TRAPPC8: variants seen among roughly 807,000 people sequenced by gnomAD.
TRAPPC8 encodes general sporulation gene 1 homolog.
A neutral mutation model predicts 174.3 loss-of-function variants in TRAPPC8; 54 were observed. The observed-to-expected ratio is 0.31, with a 90% CI of 0.25 to 0.39. The LOEUF is 0.39. Among genes scored for constraint, TRAPPC8 ranks in the 10% least tolerant of loss-of-function variants. The probability of loss-of-function intolerance (pLI) is 1.00; values close to 1 mark genes in which losing one functional copy is unlikely to be tolerated. For synonymous variants in TRAPPC8, 630 were observed against 579.9 expected (o/e 1.09, Z -1.24); for missense variants, 1,531 against 1,699.1 (o/e 0.90, Z 1.74).
intron 27 of TRAPPC8, among the ~76,000 whole-genome samples, chr18:31,838,632 G>T (rs2032913998): frequency 6.6e-6 from 1 of 152,024 alleles, no homozygotes; most frequent in Non-Finnish European, 1.5e-5. Context: ...CTATACAGTG[G>T]CATTCTTCTC....
intron 12 of TRAPPC8, among the ~76,000 whole-genome samples, 185 bp downstream of exon 12, chr18:31,890,550 A>G (rs1295555202): frequency 1.3e-5 from 2 of 152,196 alleles, no homozygotes; most frequent in African/African-American, 4.8e-5. Flanking sequence ...GCTTGACCAA[A>G]GTTGTGAGTA....
rs971213060 is a variant in TRAPPC8 at position 31,909,849 on chromosome 18, GCTAA to G, written c.772-93_772-90del. The G allele has an allele frequency of 6.4e-4, 550 of 864,400 alleles. 2 individuals are homozygous for G. The African/African-American group carries it at 9.1e-3, about 14-fold the overall frequency. The allele number at this position is 864,400 out of a possible 1,614,324, so 53.5% of individuals were successfully genotyped here. ...ATCCATCAACAACTATGGTTACTCTGCTAACTGTTGGCCTCATTTATTTGCTACA... is the reference window on the plus strand; with the variant it reads ...ATCCATCAACAACTATGGTTACTCTGCTGTTGGCCTCATTTATTTGCTACA... On this transcript the variant is annotated intron_variant, in intron 5 of 28. Coordinates refer to ENST00000283351, the MANE Select transcript of TRAPPC8 (RefSeq NM_014939.5).
At chr18:31,941,444 AAAAT>A (rs760624403) in intron 1 of TRAPPC8, among the ~76,000 whole-genome samples, 24 of 152,188 alleles carry the variant, frequency 1.6e-4, no homozygotes, top group African/African-American at 5.1e-4. Flanking sequence ...ACTCCATCTC[AAAAT>A]AAATAAATAA....
rs192746296 is a variant in TRAPPC8, at chr18:31,900,385, T to C, written c.1490+540A>G. ...GGGCTTTCTTCTCTTTAGCCAGTAA[T>C]GCACATCTAAAACATTATGCCTGCC... On this transcript the variant is annotated intron_variant, in intron 10 of 28. Coordinates refer to ENST00000283351, the MANE Select transcript of TRAPPC8 (RefSeq NM_014939.5). 3.2e-4 allele frequency among the ~76,000 whole-genome samples: 48 copies of C among 152,336 alleles called. No individual in the cohort carries two copies. The East Asian group carries it at 8.5e-3, about 27-fold the overall frequency.
At position 31,908,337 on chromosome 18, in the gene TRAPPC8, T is replaced by C. The variant is rs967469723; in HGVS notation, c.1204A>G (p.Ser402Gly). The change falls in exon 8 of 29, where the codon AGC becomes GGC. Residue 402 changes from serine to glycine, a missense_variant. Transcript: ENST00000283351. ...WFSGSKVPEK[S>G]INDLKNTSGL... The stretch of plus-strand genomic sequence containing the variant: ...GATGTATTTTTCAGGTCATTAATGC[T>C]CTTTTCTGGAACTTTACTGCCACTA... 6.2e-7 allele frequency: 1 copy of C among 1,606,282 alleles called. No individual in the cohort carries two copies. The highest frequency in any genetic ancestry group is 1.7e-4 in the Middle Eastern group (1 of 6,032).
chr18:31,902,662 T>C (rs2145439056), intron 9 of TRAPPC8, among the ~76,000 whole-genome samples: 1 of 152,220 alleles, frequency 6.6e-6, no homozygotes, highest in South Asian at 2.1e-4. Context: ...ATAACCAGCG[T>C]GTTAGGTTGC....
At chr18:31,925,428 A>G (rs75206269) in intron 2 of TRAPPC8, among the ~76,000 whole-genome samples, 9,043 of 152,226 alleles carry the variant, frequency 0.059, 289 homozygotes, top group Middle Eastern at 0.11. Flanking sequence ...CAATAGAAGG[A>G]TCAGAAGATA....
At chr18:31,831,672 A>C (rs913315372) in intron 28 of TRAPPC8, among the ~76,000 whole-genome samples, 1 of 152,314 alleles carries the variant, frequency 6.6e-6, no homozygotes, top group Admixed American at 6.5e-5. Context: ...ATAAAGTATT[A>C]ATAAATTTAT....
intron 19 of TRAPPC8, among the ~76,000 whole-genome samples, chr18:31,859,122 A>C (rs1053035903): frequency 6.6e-6 from 1 of 152,100 alleles, no homozygotes; most frequent in Non-Finnish European, 1.5e-5. Flanking sequence ...AAACAAAAAA[A>C]CAGATATTTA....
chr18:31,847,902 T>C (rs1017897922), intron 25 of TRAPPC8, among the ~76,000 whole-genome samples: 3 of 152,092 alleles, frequency 2.0e-5, no homozygotes, highest in African/African-American at 7.2e-5. Flanking sequence ...TAAAGTTGTT[T>C]AGGAGTTGTA....
chr18:31,871,499 T>TA (rs952477731), intron 14 of TRAPPC8, among the ~76,000 whole-genome samples: 3 of 152,040 alleles, frequency 2.0e-5, no homozygotes, highest in African/African-American at 7.2e-5. Context: ...ACATCACAGA[T>TA]AGAGTCGATG....
rs146527802 is a variant in TRAPPC8, at chr18:31,927,755, T to A, written c.352+3574A>T. On this transcript the variant is annotated intron_variant, in intron 2 of 28. Coordinates refer to ENST00000283351, the MANE Select transcript of TRAPPC8 (RefSeq NM_014939.5). ...GGGCTTTGGAGGTTAGCAAAATATTTGCAGTATGAAAAAGATACTTTTGGT... is the reference window on the plus strand; with the variant it reads ...GGGCTTTGGAGGTTAGCAAAATATTAGCAGTATGAAAAAGATACTTTTGGT... Among the ~76,000 whole-genome samples the A allele has an allele frequency of 2.6e-3, 396 of 152,246 alleles. 2 individuals carry two copies. The highest frequency in any genetic ancestry group is 8.7e-3 in the African/African-American group (360 of 41,542).
intron 5 of TRAPPC8, among the ~76,000 whole-genome samples, chr18:31,911,084 A>T (rs1030687710): frequency 1.3e-5 from 2 of 152,256 alleles, no homozygotes; most frequent in African/African-American, 4.8e-5. Context: ...ACAGAAAAAT[A>T]AAGCAAATAA....
chr18:31,921,139 G>C (rs765672419), intron 2 of TRAPPC8, among the ~76,000 whole-genome samples: 9 of 151,970 alleles, frequency 5.9e-5, no homozygotes, highest in African/African-American at 2.2e-4. Context: ...TGAAAAAAGC[G>C]ACAGCAGAAA....
intron 14 of TRAPPC8, among the ~76,000 whole-genome samples, chr18:31,871,612 GATTT>G (rs2145202114): frequency 6.6e-6 from 1 of 152,026 alleles, no homozygotes; most frequent in Admixed American, 6.6e-5. Context: ...TTTCATCCAT[GATTT>G]TACCACATAA....
chr18:31,907,930 T>A (rs2036734684), intron 8 of TRAPPC8, among the ~76,000 whole-genome samples: 1 of 152,184 alleles, frequency 6.6e-6, no homozygotes, highest in Non-Finnish European at 1.5e-5. Flanking sequence ...CCAAAATGGA[T>A]TAATTATATT....
At chr18:31,906,394 C>A (rs1302994381) in intron 9 of TRAPPC8, among the ~76,000 whole-genome samples, 1 of 151,204 alleles carries the variant, frequency 6.6e-6, no homozygotes, top group East Asian at 1.9e-4. Flanking sequence ...GCTATTCTGG[C>A]TTCCATTTTT....
intron 2 of TRAPPC8, among the ~76,000 whole-genome samples, chr18:31,928,739 A>T (rs2037730672): frequency 6.6e-6 from 1 of 152,234 alleles, no homozygotes; most frequent in Admixed American, 6.5e-5. Flanking sequence ...CTACCAGATT[A>T]TAAACTTTAA....
At chr18:31,858,359 C>G (rs1174439982) in intron 19 of TRAPPC8, among the ~76,000 whole-genome samples, 1 of 152,084 alleles carries the variant, frequency 6.6e-6, no homozygotes, top group African/African-American at 2.4e-5. Flanking sequence ...ACTAAAGAAG[C>G]AGCTCAACTA....
Sources: allele counts gnomAD v4.1 joint callset (sites outside exome capture counted in the v4.1 genomes callset), GRCh38; gene constraint gnomAD v4.1.1; transcripts MANE v1.5; gene names NCBI Gene and HGNC (gene_info 2026-07-23, HGNC 2026-07-21).